CHL1: variants seen among roughly 807,000 people sequenced by gnomAD.
CHL1 encodes the protein cell adhesion molecule L1 like, also known as neural cell adhesion molecule L1-like protein.
In CHL1, 96 loss-of-function variants were observed where a neutral mutation model predicts 141.9. The ratio of observed to expected loss-of-function variants is 0.68; its 90% confidence interval spans 0.57 to 0.80. The LOEUF (loss-of-function observed/expected upper bound fraction) is 0.80. Among genes scored for constraint, CHL1 ranks in the 30% least tolerant of loss-of-function variants. The pLI, the probability that CHL1 is intolerant of heterozygous loss-of-function variation, is 0.00. For synonymous variants in CHL1, 613 were observed against 502.2 expected, an observed-to-expected ratio of 1.22 and a Z score of -2.95; for missense variants, 1,820 against 1,457.2, an observed-to-expected ratio of 1.25 and a Z score of -4.05.
chr3:340,910 A>C lies in CHL1; in HGVS notation c.502A>C (p.Asn168His). 6.2e-7 allele frequency: 1 copy of C among 1,612,534 alleles called. No individual in the cohort carries two copies. The highest frequency in any genetic ancestry group is 8.5e-7 in the Non-Finnish European group (1 of 1,179,008). Residue 168 changes from asparagine (N) to histidine (H), a missense_variant, in exon 6 of 28, where the codon AAT (asparagine) becomes CAT (histidine). Transcript: ENST00000256509. ...GLPPLHIYWM[N>H]IELEHIEQDE... The stretch of plus-strand genomic sequence containing the variant: ...CCCACCTTTACACATTTATTGGATG[A>C]ATATTGGTAAGTAATGCTCCGTTCC...
intron 4 of CHL1, among the ~76,000 whole-genome samples, chr3:327,542 A>G (rs1294395633): frequency 3.9e-5 from 6 of 152,052 alleles, no homozygotes; most frequent in Non-Finnish European, 7.4e-5. Context: ...GACAAGTACC[A>G]AAGAATAAAT....
At chr3:284,811 A>C (rs1030895097) in intron 2 of CHL1, among the ~76,000 whole-genome samples, 1 of 151,970 alleles carries the variant, frequency 6.6e-6, no homozygotes, top group African/African-American at 2.4e-5. Context: ...TAAGGACATT[A>C]ATCAGACCTT....
rs1483838250 is a variant in CHL1, at chr3:365,934, T to C, written c.1586-16T>C. Reference sequence around the variant, plus strand: ...TACGCTTAGTTCTAACTAATATCTTTGTTTGGTAAAAACAGATGCTACAAA... The same window carrying C: ...TACGCTTAGTTCTAACTAATATCTTCGTTTGGTAAAAACAGATGCTACAAA... On this transcript the variant is annotated splice_polypyrimidine_tract_variant and intron_variant, in intron 14 of 27. Transcript: ENST00000256509. 6.2e-7 allele frequency: 1 copy of C among 1,605,734 alleles called. No individual in the cohort carries two copies. The highest frequency in any genetic ancestry group is 2.2e-5 in the East Asian group (1 of 44,740).
chr3:305,897 T>G (rs1699186723), intron 2 of CHL1, among the ~76,000 whole-genome samples: 1 of 152,062 alleles, frequency 6.6e-6, no homozygotes, highest in Non-Finnish European at 1.5e-5. Context: ...TGGTACGTGA[T>G]GATAAAAACA....
chr3:344,720 T>C lies in CHL1; in HGVS notation c.848+11T>C. 2 of 1,612,918 alleles carry C rather than the reference T, an allele frequency of 1.2e-6. No homozygotes were observed. The highest frequency in any genetic ancestry group is 1.3e-5 in the African/African-American group (1 of 74,990). On this transcript the variant is annotated intron_variant, in intron 9 of 27. Transcript: ENST00000256509. ...TTTTGCTGAAGGCTTGTGAGTAACC[T>C]GACTCTCACTCATGACTTTGTCCAT... is the stretch of plus-strand genomic sequence containing the variant.
intron 2 of CHL1, among the ~76,000 whole-genome samples, chr3:282,331 C>T (rs535071965): frequency 3.4e-4 from 51 of 152,096 alleles, no homozygotes; most frequent in Non-Finnish European, 5.7e-4. Flanking sequence ...AGCCCATTAA[C>T]GTGGTATTAT....
chr3:213,909 A>T (rs1700096092), intron 1 of CHL1, among the ~76,000 whole-genome samples: 1 of 152,188 alleles, frequency 6.6e-6, no homozygotes, highest in African/African-American at 2.4e-5. Context: ...AAAAAATGTG[A>T]TTTAAATACC....
chr3:366,470 CA>C (rs5845967), intron 15 of CHL1, among the ~76,000 whole-genome samples: 106,256 of 134,706 alleles, frequency 0.79, 43,380 homozygotes, highest in East Asian at 0.99. Context: ...GACTCTGTCT[CA>C]AAAAAAAAAA....
intron 2 of CHL1, among the ~76,000 whole-genome samples, chr3:275,504 C>T (rs909899220): frequency 1.3e-5 from 2 of 152,142 alleles, no homozygotes; most frequent in African/African-American, 4.8e-5. Flanking sequence ...AAAGCCATAT[C>T]TTATGAATTG....
At chr3:299,429 A>T in intron 2 of CHL1, among the ~76,000 whole-genome samples, 1 of 152,130 alleles carries the variant, frequency 6.6e-6, no homozygotes, top group East Asian at 1.9e-4. Flanking sequence ...TCCCTTTTGG[A>T]TGTTGATCTA....
At position 374,562 on chromosome 3, in the gene CHL1, G is replaced by A. The variant is rs559413837; in HGVS notation, c.1752-3256G>A. ...GTGACCCAGTTTTACAGTTCCTGCAGGATCCCAGAGCTGACACTGAAATGA... is the reference window on the plus strand; with the variant it reads ...GTGACCCAGTTTTACAGTTCCTGCAAGATCCCAGAGCTGACACTGAAATGA... On this transcript the variant is annotated intron_variant, in intron 15 of 27. Coordinates refer to ENST00000256509, the MANE Select transcript of CHL1 (RefSeq NM_006614.4). 3.0e-4 allele frequency among the ~76,000 whole-genome samples: 46 copies of A among 152,306 alleles called. No homozygotes were observed. The South Asian group carries it at 9.1e-3, about 30-fold the overall frequency.
intron 2 of CHL1, among the ~76,000 whole-genome samples, chr3:288,919 A>G (rs921564360): frequency 6.6e-6 from 1 of 152,190 alleles, no homozygotes; most frequent in South Asian, 2.1e-4. Flanking sequence ...AGACTTTATC[A>G]TTTTTTTCCA....
intron 1 of CHL1, among the ~76,000 whole-genome samples, chr3:200,447 C>A (rs1335822083): frequency 6.6e-6 from 1 of 152,088 alleles, no homozygotes; most frequent in Non-Finnish European, 1.5e-5. Context: ...ATTCAGTCAA[C>A]GTTCCTTGTT....
chr3:221,001 C>T (rs537730617), intron 1 of CHL1, among the ~76,000 whole-genome samples: 1 of 152,316 alleles, frequency 6.6e-6, no homozygotes, highest in South Asian at 2.1e-4. Context: ...CCAAGACACT[C>T]CCTTCTATCG....
chr3:383,189 C>T (rs1575240345), intron 18 of CHL1, among the ~76,000 whole-genome samples: 1 of 152,216 alleles, frequency 6.6e-6, no homozygotes. Context: ...ACATAATTTC[C>T]TTTTTGGACT....
intron 1 of CHL1, among the ~76,000 whole-genome samples, chr3:208,338 G>A (rs960929400): frequency 1.4e-5 from 2 of 147,758 alleles, no homozygotes; most frequent in Non-Finnish European, 2.9e-5. Flanking sequence ...CCACAGCCTA[G>A]TATTTACTGC....
chr3:203,752 C>T (rs917520234), intron 1 of CHL1, among the ~76,000 whole-genome samples: 2 of 152,192 alleles, frequency 1.3e-5, no homozygotes, highest in African/African-American at 4.8e-5. Flanking sequence ...CTGCTTCTAC[C>T]CCAAGATTTC....
rs1699930766 is a variant in CHL1 at position 313,687 on chromosome 3, A to G, written c.-94-5996A>G. Among the ~76,000 whole-genome samples the G allele has an allele frequency of 2.0e-5, 3 of 152,216 alleles. No individual in the cohort carries two copies. The South Asian group carries it at 6.2e-4, about 31-fold the overall frequency. On this transcript the variant is annotated intron_variant, in intron 2 of 27. Transcript: ENST00000256509. The stretch of plus-strand genomic sequence containing the variant: ...GTTTATAATGGTGGAATGATCTATA[A>G]TTGTCCAAAGTGAAAACTTAGTCTT...
At chr3:364,803 T>A (rs1002721757) in intron 14 of CHL1, among the ~76,000 whole-genome samples, 1 of 152,176 alleles carries the variant, frequency 6.6e-6, no homozygotes, top group Non-Finnish European at 1.5e-5. Context: ...CAATTTCATT[T>A]TAGCCTTAAA....
Sources: allele counts gnomAD v4.1 joint callset (sites outside exome capture counted in the v4.1 genomes callset), GRCh38; gene constraint gnomAD v4.1.1; transcripts MANE v1.5; gene names NCBI Gene and HGNC (gene_info 2026-07-23, HGNC 2026-07-21).